The following SNAP91 variants were observed in gnomAD, a reference collection of about 807,000 sequenced individuals.
The protein encoded by SNAP91 is clathrin coat assembly protein AP180.
Under a neutral mutation model 100.3 loss-of-function variants are expected in SNAP91, and 27 were observed. The observed-to-expected ratio is 0.27, with a 90% CI of 0.20 to 0.37. SNAP91 has a LOEUF of 0.37. Ranked by LOEUF, SNAP91 falls within the 10% of genes least tolerant of loss-of-function variation. The pLI, the probability that SNAP91 is intolerant of heterozygous loss-of-function variation, is 1.00. For synonymous variants in SNAP91, 404 were observed against 398.6 expected, an observed-to-expected ratio of 1.01 and a Z score of -0.16; for missense variants, 986 against 1,123.7, an observed-to-expected ratio of 0.88 and a Z score of 1.75.
chr6:83,648,448 T>C (rs1300599108), intron 7 of SNAP91, among the ~76,000 whole-genome samples: 2 of 152,150 alleles, frequency 1.3e-5, no homozygotes, highest in African/African-American at 2.4e-5. Flanking sequence ...TACTGGTTCT[T>C]ATTTCTCTTG....
intron 2 of SNAP91, among the ~76,000 whole-genome samples, chr6:83,698,973 G>A (rs111624446): frequency 1.6e-3 from 242 of 152,268 alleles, no homozygotes; most frequent in African/African-American, 5.5e-3. Flanking sequence ...TTGGTTTTCT[G>A]AGCATTTTTA....
chr6:83,623,618 G>A (rs1031326171), intron 8 of SNAP91, among the ~76,000 whole-genome samples: 1 of 151,958 alleles, frequency 6.6e-6, no homozygotes, highest in Non-Finnish European at 1.5e-5. Flanking sequence ...AAAATGTAAT[G>A]GTATCCTTAG....
At chr6:83,642,853 T>G (rs892402432) in intron 7 of SNAP91, among the ~76,000 whole-genome samples, 5 of 152,214 alleles carry the variant, frequency 3.3e-5, no homozygotes, top group African/African-American at 1.2e-4. Context: ...CAGCACCTGT[T>G]GTTTCCTGAC....
At chr6:83,599,798 T>A (rs2094946875) in intron 16 of SNAP91, among the ~76,000 whole-genome samples, 1 of 152,178 alleles carries the variant, frequency 6.6e-6, no homozygotes, top group Admixed American at 6.5e-5. Context: ...AATTTAATTT[T>A]ATTTTTGAGA....
chr6:83,582,404 T>TA (rs1387897366), intron 22 of SNAP91, 48 bp from the exon 23 acceptor site: 1 of 1,548,390 alleles, frequency 6.5e-7, no homozygotes, highest in East Asian at 2.3e-5. Context: ...TAAAGGTGGG[T>TA]AAAGGCCATA....
At chr6:83,669,914 G>A (rs147097736) in intron 2 of SNAP91, among the ~76,000 whole-genome samples, 1 of 151,904 alleles carries the variant, frequency 6.6e-6, no homozygotes, top group Non-Finnish European at 1.5e-5. Context: ...AATTAAGGGT[G>A]ATTCCAGTTT....
chr6:83,567,400 C>T (rs894468973), intron 26 of SNAP91, among the ~76,000 whole-genome samples: 1 of 151,986 alleles, frequency 6.6e-6, no homozygotes, highest in African/African-American at 2.4e-5. Context: ...CCATAAAAAC[C>T]CTAGAACACC....
chr6:83,636,993 G>A (rs755080257), intron 8 of SNAP91, among the ~76,000 whole-genome samples: 4 of 152,168 alleles, frequency 2.6e-5, no homozygotes, highest in Non-Finnish European at 4.4e-5. Context: ...GGTGTTGCAC[G>A]GTGAAACAAT....
intron 2 of SNAP91, among the ~76,000 whole-genome samples, chr6:83,677,298 A>G (rs963902181): frequency 2.0e-5 from 3 of 152,186 alleles, no homozygotes; most frequent in South Asian, 2.1e-4. Flanking sequence ...AATGCTCTCA[A>G]TGTAGACCAG....
At chr6:83,638,325 TG>T in intron 8 of SNAP91, among the ~76,000 whole-genome samples, 1 of 152,248 alleles carries the variant, frequency 6.6e-6, no homozygotes, top group South Asian at 2.1e-4. Flanking sequence ...TTCCTCTTGG[TG>T]GGAGAGGCAT....
chr6:83,612,149 A>G (rs1430591356), intron 11 of SNAP91, among the ~76,000 whole-genome samples: 2 of 152,134 alleles, frequency 1.3e-5, no homozygotes, highest in African/African-American at 4.8e-5. Context: ...CTGCTATATA[A>G]CAAGCATAAG....
chr6:83,586,588 C>CT (rs1411494050), intron 22 of SNAP91, among the ~76,000 whole-genome samples: 1 of 152,204 alleles, frequency 6.6e-6, no homozygotes, highest in East Asian at 1.9e-4. Flanking sequence ...CTGCCTCTAG[C>CT]TTTCAAACAT....
chr6:83,586,267 C>T (rs994565386), intron 22 of SNAP91, among the ~76,000 whole-genome samples: 1 of 152,142 alleles, frequency 6.6e-6, no homozygotes, highest in Non-Finnish European at 1.5e-5. Context: ...CCACACTGGG[C>T]ATGTTTGTAT....
intron 26 of SNAP91, among the ~76,000 whole-genome samples, chr6:83,573,662 T>C (rs915269515): frequency 7.9e-5 from 12 of 152,138 alleles, no homozygotes; most frequent in Non-Finnish European, 1.6e-4. Context: ...TCTACAACTA[T>C]CTGATCTTTG....
chr6:83,697,642 C>T (rs1254462035), intron 2 of SNAP91, among the ~76,000 whole-genome samples: 1 of 152,048 alleles, frequency 6.6e-6, no homozygotes, highest in Non-Finnish European at 1.5e-5. Flanking sequence ...TAATTATATA[C>T]ATTAAGTAAT....
intron 10 of SNAP91, among the ~76,000 whole-genome samples, chr6:83,615,772 C>G (rs994745833): frequency 6.6e-6 from 1 of 152,024 alleles, no homozygotes; most frequent in Non-Finnish European, 1.5e-5. Flanking sequence ...AATAACACAG[C>G]TAATGAAATA....
intron 2 of SNAP91, among the ~76,000 whole-genome samples, chr6:83,697,840 C>A (rs1406939060): frequency 2.0e-5 from 3 of 151,964 alleles, no homozygotes; most frequent in East Asian, 1.9e-4. Context: ...TAATAAAAAT[C>A]ATTCAATAAA....
chr6:83,633,012 C>A (rs527908654), intron 8 of SNAP91, among the ~76,000 whole-genome samples: 5 of 152,194 alleles, frequency 3.3e-5, no homozygotes. Context: ...TTTGGGTAGG[C>A]TCTGTCAGAC....
intron 26 of SNAP91, among the ~76,000 whole-genome samples, chr6:83,566,719 G>T (rs1229261458): frequency 6.6e-6 from 1 of 152,092 alleles, no homozygotes; most frequent in East Asian, 1.9e-4. Context: ...GCAAAATGAA[G>T]CCCAACATAA....
Sources: allele counts gnomAD v4.1 joint callset (sites outside exome capture counted in the v4.1 genomes callset), GRCh38; gene constraint gnomAD v4.1.1; transcripts MANE v1.5; gene names NCBI Gene and HGNC (gene_info 2026-07-23, HGNC 2026-07-21).